The following SHANK2 variants were observed in gnomAD, a reference collection of about 807,000 sequenced individuals.
SHANK2 encodes the protein SH3 and multiple ankyrin repeat domains 2.
Under a neutral mutation model 133.7 loss-of-function variants are expected in SHANK2, and 43 were observed. The ratio of observed to expected loss-of-function variants is 0.32; its 90% CI spans 0.25 to 0.41. The LOEUF is 0.41. Among genes scored for constraint, SHANK2 ranks in the 10% least tolerant of loss-of-function variants. SHANK2 has a pLI of 1.00. For missense variants in SHANK2, 1,994 were observed against 2,235.8 expected, an observed-to-expected ratio of 0.89 and a Z score of 2.18; for synonymous variants, 1,017 against 952.8, an observed-to-expected ratio of 1.07 and a Z score of -1.24.
Position 70,804,948 on chromosome 11 carries a change from C to T in SHANK2, c.1663+2054G>A, listed in dbSNP as rs979189203. 3.9e-5 allele frequency among the ~76,000 whole-genome samples: 6 copies of T among 152,212 alleles called. No individual in the cohort carries two copies. Among genetic ancestry groups the T allele is most frequent in the Non-Finnish European group, 8.8e-5 (6 of 68,028 alleles). On this transcript the variant is annotated intron_variant, in intron 13 of 25. Coordinates refer to ENST00000601538, the MANE Select transcript of SHANK2 (RefSeq NM_012309.5). The surrounding 1 kb of genome is among the most constrained non-coding windows in gnomAD (Gnocchi z 4.1). ...GGGACTCTCAGCTGTTTAGTGCCCA[C>T]TCCCATGGGCCTCTGCTCTATGTCT...
intron 2 of SHANK2, among the ~76,000 whole-genome samples, chr11:71,198,024 G>A (rs1306538051): frequency 6.6e-6 from 1 of 152,236 alleles, no homozygotes; most frequent in Non-Finnish European, 1.5e-5. Context: ...CGCAGCAGTT[G>A]CCGAAGCTTC....
intron 11 of SHANK2, among the ~76,000 whole-genome samples, chr11:70,862,562 C>G (rs1555068015): frequency 2.7e-5 from 4 of 150,160 alleles, no homozygotes. Context: ...CATGACTGGA[C>G]TGGCTGATGG....
chr11:70,745,275 G>T (rs1478825539), intron 14 of SHANK2, among the ~76,000 whole-genome samples: 4 of 152,108 alleles, frequency 2.6e-5, no homozygotes, highest in Admixed American at 6.5e-5. Context: ...AAGTAGCAGG[G>T]CCTGGCTGTT....
At chr11:70,711,364 G>T (rs1000083758) in intron 14 of SHANK2, among the ~76,000 whole-genome samples, 1 of 152,256 alleles carries the variant, frequency 6.6e-6, no homozygotes, top group Admixed American at 6.5e-5. Flanking sequence ...GTCTCCGCAG[G>T]TTTTAAATCA....
intron 10 of SHANK2, among the ~76,000 whole-genome samples, chr11:70,916,647 A>C (rs777587099): frequency 2.3e-4 from 35 of 152,164 alleles, no homozygotes; most frequent in Non-Finnish European, 3.8e-4. Context: ...GTTAAATGGC[A>C]AGAAGCCCCC....
chr11:70,744,592 G>A (rs1000523194), intron 14 of SHANK2, among the ~76,000 whole-genome samples: 9 of 152,178 alleles, frequency 5.9e-5, no homozygotes, highest in South Asian at 4.1e-4. Context: ...CAGCTCCAGT[G>A]GTCCTGGCAT....
intron 15 of SHANK2, among the ~76,000 whole-genome samples, chr11:70,678,448 T>C (rs1349758445): frequency 6.6e-6 from 1 of 151,818 alleles, no homozygotes; most frequent in Non-Finnish European, 1.5e-5. Flanking sequence ...GCCTGTTCTT[T>C]ATTAAAGCTG....
At chr11:71,111,303 C>T (rs566065684) in intron 5 of SHANK2, among the ~76,000 whole-genome samples, 1 of 152,192 alleles carries the variant, frequency 6.6e-6, no homozygotes, top group African/African-American at 2.4e-5. Flanking sequence ...GTACTTAACC[C>T]ACTTTGTGGT....
chr11:70,723,543 T>C (rs4980634), intron 14 of SHANK2, among the ~76,000 whole-genome samples: 103,987 of 152,124 alleles, frequency 0.68, 37,213 homozygotes, highest in African/African-American at 0.92. Context: ...GCAGCCCAAC[T>C]CACAGGCTGA....
rs782210973 is a variant in SHANK2, at chr11:71,109,952, G to C, written c.581C>G (p.Pro194Arg). 6 of 1,550,812 alleles carry C rather than the reference G, an allele frequency of 3.9e-6. No individual in the cohort carries two copies. Among genetic ancestry groups the C allele is most frequent in the South Asian group, 2.4e-5 (2 of 84,032 alleles). The part of the protein sequence containing the change: ...DRGLDPNFHD[P>R]ETGETPLTLA... ...TAGCAAGTGCTCACCTCCGGTCTCCGGGTCGTGGAAATTGGGATCCAGGCC... is the reference window on the plus strand; with the variant it reads ...TAGCAAGTGCTCACCTCCGGTCTCCCGGTCGTGGAAATTGGGATCCAGGCC... Residue 194 changes from proline to arginine, a missense_variant, in exon 6 of 26, where the codon CCG becomes CGG. By Grantham distance (103) the Pro-to-Arg change is moderately radical (BLOSUM62 -2). This residue lies in a region of SHANK2 where 653 missense variants were observed against 563.4 expected (regional missense o/e 1.16). Coordinates refer to ENST00000601538, the MANE Select transcript of SHANK2 (RefSeq NM_012309.5).
rs562203764 is a variant in SHANK2 at position 71,094,516 on chromosome 11, G to C, written c.744+21C>G. 1.7e-5 allele frequency: 27 copies of C among 1,545,174 alleles called. No individual in the cohort carries two copies. In the South Asian group the frequency reaches 3.0e-4, roughly 17 times the overall value. On this transcript the variant is annotated intron_variant, in intron 7 of 25. Transcript: ENST00000601538. The stretch of plus-strand genomic sequence containing the variant: ...AATCAGAGCACGGGGTGGCACCCAA[G>C]TAAGATGGGCCCGAGTTTACCTTCA...
chr11:71,251,978 G>A (rs922194937), intron 1 of SHANK2, among the ~76,000 whole-genome samples: 5 of 152,066 alleles, frequency 3.3e-5, no homozygotes, highest in African/African-American at 4.8e-5. Flanking sequence ...TCGCTGGCCC[G>A]GGTCCTAGGG....
intron 3 of SHANK2, among the ~76,000 whole-genome samples, chr11:71,135,486 T>G (rs1423975972): frequency 3.4e-5 from 5 of 148,886 alleles, no homozygotes; most frequent in African/African-American, 4.9e-5. Flanking sequence ...GGATATGTTT[T>G]TTTTTTTTTT....
intron 17 of SHANK2, among the ~76,000 whole-genome samples, chr11:70,552,309 C>T (rs1057047906): frequency 1.1e-4 from 16 of 152,136 alleles, no homozygotes; most frequent in Non-Finnish European, 7.4e-5. Context: ...TGGGCGCCTC[C>T]AGCCCAGGCC....
At chr11:70,869,597 A>G (rs913412948) in intron 11 of SHANK2, among the ~76,000 whole-genome samples, 17 of 152,006 alleles carry the variant, frequency 1.1e-4, no homozygotes, top group Non-Finnish European at 1.8e-4. Context: ...TCGGGTATGG[A>G]GCTCCTGACC....
At chr11:70,641,102 CTTT>C (rs71049932) in intron 17 of SHANK2, among the ~76,000 whole-genome samples, 1 of 139,074 alleles carries the variant, frequency 7.2e-6, no homozygotes. Context: ...TTTTTCTTTT[CTTT>C]TTTTTTTTGA....
intron 2 of SHANK2, among the ~76,000 whole-genome samples, chr11:71,200,682 T>C (rs1237384935): frequency 6.6e-6 from 1 of 152,150 alleles, no homozygotes; most frequent in African/African-American, 2.4e-5. Flanking sequence ...ACCAATACCA[T>C]GGGTATGGCT....
At chr11:70,748,176 G>A (rs538760842) in intron 14 of SHANK2, among the ~76,000 whole-genome samples, 13 of 152,262 alleles carry the variant, frequency 8.5e-5, no homozygotes, top group South Asian at 6.2e-4. Flanking sequence ...AATGCCTGGA[G>A]GCTCTTCCTG....
chr11:70,784,895 C>T (rs1364592225), intron 14 of SHANK2, among the ~76,000 whole-genome samples: 4 of 152,234 alleles, frequency 2.6e-5, no homozygotes, highest in African/African-American at 9.6e-5. Context: ...TCCTGCCTCC[C>T]ATCCATGGAC....
Sources: gnomAD v4.1 joint callset for allele counts (sites outside exome capture counted in the v4.1 genomes callset) on GRCh38, gnomAD v4.1.1 for gene constraint, gnomAD v4.1.1 regional missense constraint, Gnocchi (gnomAD v3.1) non-coding constraint, MANE v1.5 for transcripts, NCBI Gene and HGNC (gene_info 2026-07-23, HGNC 2026-07-21) for gene names.